Variants in CNGB3 observed in about 807,000 individuals in gnomAD.
The protein encoded by CNGB3 is cyclic nucleotide gated channel subunit beta 3.
In CNGB3, 86 loss-of-function variants were observed where a neutral mutation model predicts 92.8. The ratio of observed to expected loss-of-function variants is 0.93; its 90% CI spans 0.78 to 1.11. CNGB3 has a LOEUF of 1.11. CNGB3 is among the 50% of genes least tolerant of loss of function. The pLI is 0.00. For synonymous variants in CNGB3, 333 were observed against 332.7 expected (o/e 1.00, Z -0.01); for missense variants, 1,026 against 956.8 (o/e 1.07, Z -0.95).
intron 9 of CNGB3, 38 bp downstream of exon 9, chr8:86,644,584 T>C (rs1212257225): frequency 1.9e-6 from 3 of 1,595,764 alleles, no homozygotes; most frequent in Non-Finnish European, 1.7e-6. Context: ...TACCATTGCT[T>C]TTTCCCCTTC....
At position 86,605,132 on chromosome 8, in the gene CNGB3, G is replaced by C. The variant is rs928498082; in HGVS notation, c.1663-921C>G. 2.0e-5 allele frequency among the ~76,000 whole-genome samples: 3 copies of C among 152,016 alleles called. No homozygotes were observed. The East Asian group carries it at 5.8e-4, about 29-fold the overall frequency. Reference sequence around the variant, plus strand: ...AGTAAGCCTGTGTCTGATTTCTCTCGTGTTTGCCCATGTATATCTTTTTCT... The same window carrying C: ...AGTAAGCCTGTGTCTGATTTCTCTCCTGTTTGCCCATGTATATCTTTTTCT... On this transcript the variant is annotated intron_variant, in intron 14 of 17. Coordinates refer to ENST00000320005, the MANE Select transcript of CNGB3 (RefSeq NM_019098.5).
At chr8:86,739,230 G>A in intron 2 of CNGB3, among the ~76,000 whole-genome samples, 1 of 152,190 alleles carries the variant, frequency 6.6e-6, no homozygotes, top group East Asian at 1.9e-4. Flanking sequence ...GCAGGAGGGA[G>A]CAGAGGTGTG....
chr8:86,651,177 G>A (rs1421611440), intron 7 of CNGB3, among the ~76,000 whole-genome samples: 2 of 151,226 alleles, frequency 1.3e-5, no homozygotes, highest in African/African-American at 4.9e-5. Context: ...TGTTTGGGGT[G>A]GGACAAAAAA....
chr8:86,654,900 C>T (rs543195577), intron 6 of CNGB3, among the ~76,000 whole-genome samples: 62 of 152,244 alleles, frequency 4.1e-4, no homozygotes, highest in Non-Finnish European at 7.2e-4. Flanking sequence ...GATTACCGTG[C>T]GGGTTGATGC....
At chr8:86,595,802 A>T (rs1235547070) in intron 15 of CNGB3, among the ~76,000 whole-genome samples, 1 of 152,194 alleles carries the variant, frequency 6.6e-6, no homozygotes, top group Non-Finnish European at 1.5e-5. Context: ...TTAAAAACTG[A>T]GTATTCAGAA....
intron 2 of CNGB3, among the ~76,000 whole-genome samples, chr8:86,736,551 G>C (rs1191399772): frequency 6.6e-6 from 1 of 152,050 alleles, no homozygotes; most frequent in African/African-American, 2.4e-5. Context: ...AAGAACTGTA[G>C]ATTTAAATCA....
intron 3 of CNGB3, among the ~76,000 whole-genome samples, chr8:86,695,773 C>T (rs193186120): frequency 2.6e-5 from 4 of 152,074 alleles, no homozygotes. Context: ...TTTTTAGTTC[C>T]TTCTCATTTG....
chr8:86,693,904 C>CT (rs1274753988), intron 3 of CNGB3, among the ~76,000 whole-genome samples: 1 of 152,182 alleles, frequency 6.6e-6, no homozygotes, highest in East Asian at 1.9e-4. Flanking sequence ...CCTTCCCCCC[C>CT]TCTCCATTCC....
rs1057183293 is a variant in CNGB3, at chr8:86,578,251, A to T, written c.2103+438T>A. Among the ~76,000 whole-genome samples, 35 of 152,166 alleles carry T rather than the reference A, an allele frequency of 2.3e-4. 1 individual carries two copies. The highest frequency in any genetic ancestry group is 1.7e-3 in the Admixed American group (26 of 15,280). ...AGTATCAGAGCTGAAACAAGAAAGG[A>T]GAGTGCCTCTTTTTTCAAACTCAGC... is the stretch of plus-strand genomic sequence containing the variant. On this transcript the variant is annotated intron_variant, in intron 17 of 17. Coordinates refer to ENST00000320005, the MANE Select transcript of CNGB3 (RefSeq NM_019098.5).
At chr8:86,680,077 A>G (rs1784325779) in intron 3 of CNGB3, among the ~76,000 whole-genome samples, 1 of 152,218 alleles carries the variant, frequency 6.6e-6, no homozygotes, top group South Asian at 2.1e-4. Context: ...GTATTTCATT[A>G]TGGAAGCTCA....
chr8:86,660,601 A>T (rs1223672097), intron 6 of CNGB3: 2 of 534,048 alleles, frequency 3.7e-6, no homozygotes, highest in Non-Finnish European at 7.7e-6. Context: ...TATTAGCTCC[A>T]AACTGCACTC....
In CNGB3 at chr8:86,711,920, CT is replaced by C. The variant is rs1824759239; in HGVS notation, c.338+14610del. ...CTTATATATGTACTATGAGTAATTA[CT>C]TTTTTTGAAGTAAGGCCAGACTTTC... On this transcript the variant is annotated intron_variant, in intron 3 of 17. Transcript: ENST00000320005. Among the ~76,000 whole-genome samples, 4 of 150,986 alleles carry C rather than the reference CT, an allele frequency of 2.6e-5. No homozygotes were observed. The South Asian group carries it at 8.4e-4, about 32-fold the overall frequency.
chr8:86,735,042 G>GGTTTTTTTTT lies in CNGB3; in HGVS notation c.211+4612_211+4613insAAAAAAAAAC, dbSNP rs1554618958. 2.4e-3 allele frequency among the ~76,000 whole-genome samples: 209 copies of GGTTTTTTTTT among 85,866 alleles called. 43 individuals carry two copies. The highest frequency in any genetic ancestry group is 3.0e-3 in the Non-Finnish European group (144 of 47,912). The allele number at this position is 85,866 out of a possible 152,430, so 56.3% of individuals were successfully genotyped here. A position where few individuals can be genotyped will look rare whatever the true frequency, so the allele number is the denominator to read the frequency against. ...CATGTCAAATTCTCAAATGCCGGTG[G>GGTTTTTTTTT]TTTTTTTTTTTTTTTTTTTTTTTTT... On this transcript the variant is annotated intron_variant, in intron 2 of 17. Coordinates refer to ENST00000320005, the MANE Select transcript of CNGB3 (RefSeq NM_019098.5).
chr8:86,635,537 C>A, intron 10 of CNGB3, among the ~76,000 whole-genome samples: 1 of 151,626 alleles, frequency 6.6e-6, no homozygotes. Context: ...AAATAGTCTG[C>A]TATGTTAATT....
intron 13 of CNGB3, among the ~76,000 whole-genome samples, chr8:86,615,136 A>G (rs952416905): frequency 6.6e-6 from 1 of 152,198 alleles, no homozygotes; most frequent in Admixed American, 6.5e-5. Flanking sequence ...ATATGCAAAT[A>G]CTATGCCACA....
intron 13 of CNGB3, among the ~76,000 whole-genome samples, chr8:86,615,776 T>C (rs1484201799): frequency 6.6e-6 from 1 of 152,006 alleles, no homozygotes; most frequent in Non-Finnish European, 1.5e-5. Context: ...TATATGACCA[T>C]AAAGTAAAAT....
intron 5 of CNGB3, among the ~76,000 whole-genome samples, chr8:86,667,780 G>T (rs1373988591): frequency 6.6e-6 from 1 of 152,162 alleles, no homozygotes; most frequent in Non-Finnish European, 1.5e-5. Context: ...CTTTTCAAAG[G>T]TAATTAGGGG....
chr8:86,726,660 A>G lies in CNGB3; in HGVS notation c.212-3T>C, dbSNP rs79126074. 1.8e-3 allele frequency: 2,909 copies of G among 1,613,528 alleles called. 34 individuals carry two copies. In the African/African-American group the frequency reaches 0.021, roughly 12 times the overall value. On this transcript the variant is annotated splice_polypyrimidine_tract_variant and splice_region_variant and intron_variant, in intron 2 of 17. Transcript: ENST00000320005. ...GGAATTTTTCTTGGAGAGTTTGTCT[A>G]TGAAAAAAAAATTCACATAGATAGA...
intron 3 of CNGB3, among the ~76,000 whole-genome samples, chr8:86,676,086 A>G (rs1292175414): frequency 2.6e-5 from 4 of 152,180 alleles, no homozygotes; most frequent in Non-Finnish European, 5.9e-5. Context: ...TTTAAGAAAG[A>G]GAACATTTAT....
Sources: gnomAD v4.1 joint callset for allele counts (sites outside exome capture counted in the v4.1 genomes callset) on GRCh38, gnomAD v4.1.1 for gene constraint, MANE v1.5 for transcripts, NCBI Gene and HGNC (gene_info 2026-07-23, HGNC 2026-07-21) for gene names.